Variants in SHANK2 observed in about 807,000 individuals in gnomAD.
SHANK2 encodes SH3 and multiple ankyrin repeat domains protein 2.
SHANK2 carries 43 observed loss-of-function variants against 133.7 expected under a neutral mutation model. That is an observed-to-expected ratio of 0.32 (90% CI 0.25 to 0.41). The LOEUF (loss-of-function observed/expected upper bound fraction) is 0.41. Among genes scored for constraint, SHANK2 ranks in the 10% least tolerant of loss-of-function variants. The probability of loss-of-function intolerance (pLI) is 1.00; values close to 1 mark genes in which losing one functional copy is unlikely to be tolerated. For missense variants in SHANK2, 1,994 were observed against 2,235.8 expected (o/e 0.89, Z 2.18); for synonymous variants, 1,017 against 952.8 (o/e 1.07, Z -1.24).
chr11:70,584,841 C>T (rs1440071668), intron 17 of SHANK2, among the ~76,000 whole-genome samples: 1 of 152,266 alleles, frequency 6.6e-6, no homozygotes, highest in Non-Finnish European at 1.5e-5. Context: ...CTGCGGTACA[C>T]AGGACCTGCC....
At chr11:70,892,420 C>T (rs1391689559) in intron 11 of SHANK2, among the ~76,000 whole-genome samples, 1 of 152,182 alleles carries the variant, frequency 6.6e-6, no homozygotes, top group Non-Finnish European at 1.5e-5. Context: ...TGGCCACCTT[C>T]CCAGCTCTGG....
intron 14 of SHANK2, among the ~76,000 whole-genome samples, chr11:70,764,232 A>G (rs1213971529): frequency 1.5e-5 from 2 of 135,528 alleles, no homozygotes; most frequent in African/African-American, 5.7e-5. Context: ...CCATCTATCC[A>G]CTACCCACCC....
At chr11:70,921,665 T>G (rs1555080703) in intron 10 of SHANK2, among the ~76,000 whole-genome samples, 1 of 152,232 alleles carries the variant, frequency 6.6e-6, no homozygotes, top group East Asian at 1.9e-4. Context: ...TTGAAAGTGC[T>G]GAGGGCTACA....
At position 71,111,458 on chromosome 11, in the gene SHANK2, C is replaced by T. The variant is rs1043641507; in HGVS notation, c.484-1409G>A. On this transcript the variant is annotated intron_variant, in intron 5 of 25. Coordinates refer to ENST00000601538, the MANE Select transcript of SHANK2 (RefSeq NM_012309.5). Reference sequence around the variant, plus strand: ...GAACTTTCCCAGCCTCTGCCAGCCTCGCTGTAAGAAAAGTCATGATTCTCT... The same window carrying T: ...GAACTTTCCCAGCCTCTGCCAGCCTTGCTGTAAGAAAAGTCATGATTCTCT... Among the ~76,000 whole-genome samples, 4 of 152,208 alleles carry T rather than the reference C, an allele frequency of 2.6e-5. No individual in the cohort carries two copies. In the East Asian group the frequency reaches 7.7e-4, roughly 29 times the overall value.
chr11:70,586,638 T>C (rs1293919839), intron 17 of SHANK2, among the ~76,000 whole-genome samples: 1 of 152,236 alleles, frequency 6.6e-6, no homozygotes, highest in African/African-American at 2.4e-5. Context: ...GCACCGTTGC[T>C]GTGGAAACCA....
At chr11:70,861,403 A>G (rs1555067751) in intron 11 of SHANK2, among the ~76,000 whole-genome samples, 1 of 152,198 alleles carries the variant, frequency 6.6e-6, no homozygotes, top group Non-Finnish European at 1.5e-5. Flanking sequence ...CCTACACCAC[A>G]TGGCATTGAA....
At chr11:70,637,968 G>A (rs532637402) in intron 17 of SHANK2, among the ~76,000 whole-genome samples, 4 of 152,282 alleles carry the variant, frequency 2.6e-5, no homozygotes, top group Admixed American at 6.5e-5. Context: ...ACAGGTTCTC[G>A]GGGAATGCTC....
At chr11:70,695,862 A>G (rs1945381368) in intron 15 of SHANK2, among the ~76,000 whole-genome samples, 1 of 152,232 alleles carries the variant, frequency 6.6e-6, no homozygotes, top group East Asian at 1.9e-4. Context: ...TGAGGCCCAC[A>G]GCTTGTCTGA....
chr11:71,189,345 C>T (rs1273013229), intron 2 of SHANK2, among the ~76,000 whole-genome samples: 1 of 152,178 alleles, frequency 6.6e-6, no homozygotes, highest in Non-Finnish European at 1.5e-5. Flanking sequence ...ACAAACTCTA[C>T]CAAACCTCAG....
chr11:70,560,483 GTTTTTTTTTTTTTTTT>G (rs61143133), intron 17 of SHANK2, among the ~76,000 whole-genome samples: 2 of 96,006 alleles, frequency 2.1e-5, no homozygotes, highest in African/African-American at 8.1e-5. Flanking sequence ...CCCCAGTAGG[GTTTTTTTTTTTTTTTT>G]TTTTTTTTTT....
intron 2 of SHANK2, among the ~76,000 whole-genome samples, chr11:71,184,390 C>G (rs1205590677): frequency 6.6e-6 from 1 of 152,146 alleles, no homozygotes; most frequent in Non-Finnish European, 1.5e-5. Context: ...ATGGCTCTCG[C>G]GTCCATCACT....
intron 11 of SHANK2, among the ~76,000 whole-genome samples, chr11:70,838,910 T>A (rs1326159466): frequency 6.6e-6 from 1 of 152,156 alleles, no homozygotes; most frequent in East Asian, 1.9e-4. Context: ...CTAATTAATG[T>A]GGGCCTTACA....
intron 7 of SHANK2, 123 bp from the exon 8 acceptor site, chr11:71,092,712 AC>A: frequency 1.1e-6 from 1 of 892,158 alleles, no homozygotes; most frequent in Non-Finnish European, 1.7e-6. Flanking sequence ...CACCCTGAGT[AC>A]CCAGTGCTTC....
rs559931399 is a variant in SHANK2 at position 70,785,389 on chromosome 11, C to G, written c.1777+13054G>C. On this transcript the variant is annotated intron_variant, in intron 14 of 25. Transcript: ENST00000601538. ...AACCTGCATTGCTCCAGATGCCCCC[C>G]AAAGCTCTCCTGTCCAGGGTGGTGG... 7.9e-5 allele frequency among the ~76,000 whole-genome samples: 12 copies of G among 152,308 alleles called. No homozygotes were observed. The East Asian group carries it at 2.1e-3, about 27-fold the overall frequency.
At chr11:70,544,039 C>G (rs1020513224) in intron 17 of SHANK2, among the ~76,000 whole-genome samples, 2 of 152,180 alleles carry the variant, frequency 1.3e-5, no homozygotes, top group Non-Finnish European at 2.9e-5. Flanking sequence ...ACAGTCCCCC[C>G]AAATTTGGCC....
At chr11:70,849,323 T>C (rs1045075658) in intron 11 of SHANK2, among the ~76,000 whole-genome samples, 2 of 152,118 alleles carry the variant, frequency 1.3e-5, no homozygotes, top group Non-Finnish European at 2.9e-5. Flanking sequence ...CAATGGCTGG[T>C]CTAAAAAGGT....
chr11:71,224,062 G>A (rs1591037011), intron 2 of SHANK2, among the ~76,000 whole-genome samples: 1 of 152,370 alleles, frequency 6.6e-6, no homozygotes. Context: ...CAATACCCAC[G>A]TGACCGTGAC....
At position 70,955,422 on chromosome 11, in the gene SHANK2, G is replaced by GGTGTGTGTGTGTGT. The variant is rs1186144718; in HGVS notation, c.1108-58869_1108-58856dup. ...GTTCTCCAGAGACACAGACCCACGG[G>GGTGTGTGTGTGTGT]GTGTGTGTGTGTGTGTGTGTGTGTG... On this transcript the variant is annotated intron_variant, in intron 10 of 25. Coordinates refer to ENST00000601538, the MANE Select transcript of SHANK2 (RefSeq NM_012309.5). 4.3e-3 allele frequency among the ~76,000 whole-genome samples: 624 copies of GGTGTGTGTGTGTGT among 146,550 alleles called. 10 individuals are homozygous for GGTGTGTGTGTGTGT. The highest frequency in any genetic ancestry group is 0.016 in the African/African-American group (605 of 38,974).
At chr11:70,718,477 G>GAA (rs113113589) in intron 14 of SHANK2, among the ~76,000 whole-genome samples, 3 of 152,028 alleles carry the variant, frequency 2.0e-5, no homozygotes, top group South Asian at 4.2e-4. Flanking sequence ...GGGATTTGGG[G>GAA]AAAAATCCAT....
Sources: allele counts gnomAD v4.1 joint callset (sites outside exome capture counted in the v4.1 genomes callset), GRCh38; gene constraint gnomAD v4.1.1; transcripts MANE v1.5; gene names NCBI Gene and HGNC (gene_info 2026-07-23, HGNC 2026-07-21).